Variants in PPP1R13B observed in about 807,000 individuals in gnomAD.
PPP1R13B encodes the protein protein phosphatase 1 regulatory subunit 13B.
Under a neutral mutation model 119.8 loss-of-function variants are expected in PPP1R13B, and 44 were observed. The ratio of observed to expected loss-of-function variants is 0.37; its 90% CI spans 0.29 to 0.47. The LOEUF (loss-of-function observed/expected upper bound fraction) is 0.47. PPP1R13B is among the 20% of genes least tolerant of loss of function. The probability of loss-of-function intolerance (pLI) is 0.99; values close to 1 mark genes in which losing one functional copy is unlikely to be tolerated. For synonymous variants in PPP1R13B, 542 were observed against 561.5 expected, an observed-to-expected ratio of 0.97 and a Z score of 0.49; for missense variants, 1,227 against 1,413.5, an observed-to-expected ratio of 0.87 and a Z score of 2.12.
intron 1 of PPP1R13B, among the ~76,000 whole-genome samples, chr14:103,840,958 C>T (rs2086893138): frequency 6.6e-6 from 1 of 152,072 alleles, no homozygotes; most frequent in South Asian, 2.1e-4. Context: ...CAAAATATCA[C>T]ATATACCTCA....
chr14:103,787,696 AG>A (rs1423126740), intron 2 of PPP1R13B, among the ~76,000 whole-genome samples: 2 of 136,834 alleles, frequency 1.5e-5, no homozygotes, highest in African/African-American at 5.5e-5. Context: ...TGTGTCGCCC[AG>A]GCTGGAGTGC....
intron 16 of PPP1R13B, among the ~76,000 whole-genome samples, chr14:103,735,640 C>G (rs1240701074): frequency 6.6e-6 from 1 of 152,206 alleles, no homozygotes; most frequent in African/African-American, 2.4e-5. Flanking sequence ...TGCACGTTCC[C>G]ACCTCTCCCT....
intron 1 of PPP1R13B, among the ~76,000 whole-genome samples, chr14:103,839,673 C>T (rs1274314335): frequency 1.3e-5 from 2 of 151,742 alleles, no homozygotes; most frequent in Admixed American, 6.6e-5. Flanking sequence ...ATTACAATAG[C>T]CTCTAAGGCC....
chr14:103,846,562 C>T (rs1198050976), intron 1 of PPP1R13B, among the ~76,000 whole-genome samples: 2 of 152,162 alleles, frequency 1.3e-5, no homozygotes, highest in East Asian at 3.9e-4. Flanking sequence ...TGCTTACCTC[C>T]CAAAAAGCCA....
intron 2 of PPP1R13B, among the ~76,000 whole-genome samples, chr14:103,785,992 T>A (rs2085453597): frequency 6.6e-6 from 1 of 152,212 alleles, no homozygotes; most frequent in Admixed American, 6.5e-5. Context: ...TATAACTAAA[T>A]GTATTTCAAA....
At position 103,778,779 on chromosome 14, in the gene PPP1R13B, A is replaced by G. The variant is rs2085270492; in HGVS notation, c.320T>C (p.Ile107Thr). 1 of 1,613,938 alleles carries G rather than the reference A, an allele frequency of 6.2e-7. No homozygotes were observed. The highest frequency in any genetic ancestry group is 1.3e-5 in the African/African-American group (1 of 74,914). ...AGTACGTTTTTCTCCAGGTACATTTATTACATTTCTCTGAGTTCGTTGCTC... is the reference window on the plus strand; with the variant it reads ...AGTACGTTTTTCTCCAGGTACATTTGTTACATTTCTCTGAGTTCGTTGCTC... ...TQEQRTQRNV[I>T]NVPGEKRTEN... The change falls in exon 4 of 17, where the codon ATA becomes ACA. Residue 107 changes from isoleucine to threonine, a missense_variant. By Grantham distance (89) the Ile-to-Thr change is moderately conservative. Coordinates refer to ENST00000202556, the MANE Select transcript of PPP1R13B (RefSeq NM_015316.3).
chr14:103,739,179 C>T (rs1292446825), intron 12 of PPP1R13B, 156 bp from the exon 13 acceptor site: 2 of 1,022,210 alleles, frequency 2.0e-6, no homozygotes, highest in Non-Finnish European at 2.8e-6. Flanking sequence ...CAGGTGACCA[C>T]CTCAAATAAG....
Position 103,792,629 on chromosome 14 carries a change from T to C in PPP1R13B, c.157+4742A>G, listed in dbSNP as rs545710646. ...AAAATAAATAAATAAAAGGATTGTC[T>C]GGGCACTGTGCAGTTTGCCTGTGCT... On this transcript the variant is annotated intron_variant, in intron 2 of 16. Transcript: ENST00000202556. 7.2e-5 allele frequency among the ~76,000 whole-genome samples: 11 copies of C among 152,274 alleles called. No homozygotes were observed. The South Asian group carries it at 2.3e-3, about 32-fold the overall frequency.
intron 1 of PPP1R13B, among the ~76,000 whole-genome samples, chr14:103,831,295 T>G (rs1013298109): frequency 6.6e-6 from 1 of 150,414 alleles, no homozygotes; most frequent in African/African-American, 2.4e-5. Flanking sequence ...AAAATTAATT[T>G]CAACTTCATT....
At chr14:103,846,604 C>T (rs894012546) in intron 1 of PPP1R13B, among the ~76,000 whole-genome samples, 2 of 152,190 alleles carry the variant, frequency 1.3e-5, no homozygotes, top group African/African-American at 4.8e-5. Context: ...GCATCCCCTC[C>T]TATTCAGATT....
Position 103,742,226 on chromosome 14 carries a change from A to G in PPP1R13B, c.1386T>C (p.Tyr462=). Residue 462 remains tyrosine (Y), a synonymous_variant, in exon 11 of 17, where the codon TAT becomes TAC. Coordinates refer to ENST00000202556, the MANE Select transcript of PPP1R13B (RefSeq NM_015316.3). The surrounding 1 kb of genome is among the most constrained non-coding windows in gnomAD (Gnocchi z 4.9). ...GAGGTGTAGGACTTGGGTATGTCCC[A>G]TAGCTTGGAGGCAGCTGCTTGCCTA... ...PGVGKQLPPS[Y]GTYPSPTPLG... 3 of 1,596,184 alleles carry G rather than the reference A, an allele frequency of 1.9e-6. No individual in the cohort carries two copies. The highest frequency in any genetic ancestry group is 2.7e-5 in the African/African-American group (2 of 74,926).
intron 3 of PPP1R13B, among the ~76,000 whole-genome samples, chr14:103,781,800 T>C (rs372773231): frequency 2.0e-5 from 3 of 152,150 alleles, no homozygotes; most frequent in East Asian, 1.9e-4. Flanking sequence ...TACAGGCGCC[T>C]GCCACCACAC....
chr14:103,754,859 A>C (rs2084637737), intron 5 of PPP1R13B, among the ~76,000 whole-genome samples: 1 of 151,500 alleles, frequency 6.6e-6, no homozygotes. Context: ...GGCTCACTGC[A>C]AGCTCTGCCT....
At chr14:103,770,556 C>G (rs2085044426) in intron 4 of PPP1R13B, among the ~76,000 whole-genome samples, 1 of 151,974 alleles carries the variant, frequency 6.6e-6, no homozygotes, top group African/African-American at 2.4e-5. Context: ...ATTCAATACA[C>G]ATTTATACCC....
At chr14:103,762,532 G>A (rs926220017) in intron 4 of PPP1R13B, among the ~76,000 whole-genome samples, 1 of 151,380 alleles carries the variant, frequency 6.6e-6, no homozygotes, top group Non-Finnish European at 1.5e-5. Context: ...ACACCAACAT[G>A]GCACATGTAT....
chr14:103,743,612 G>A (rs1224557329), intron 9 of PPP1R13B, among the ~76,000 whole-genome samples: 2 of 152,212 alleles, frequency 1.3e-5, no homozygotes, highest in African/African-American at 2.4e-5. Context: ...CGCTTCCAGC[G>A]CCATCAGCAA....
At chr14:103,828,204 T>A (rs1259214129) in intron 1 of PPP1R13B, among the ~76,000 whole-genome samples, 1 of 151,734 alleles carries the variant, frequency 6.6e-6, no homozygotes, top group African/African-American at 2.4e-5. Context: ...CCAACTCTAC[T>A]AAAAATACAA....
chr14:103,777,820 G>C (rs2085243229), intron 4 of PPP1R13B, among the ~76,000 whole-genome samples: 1 of 148,552 alleles, frequency 6.7e-6, no homozygotes, highest in South Asian at 2.1e-4. Context: ...AAAAAAACAG[G>C]GTCTTACTCT....
intron 1 of PPP1R13B, among the ~76,000 whole-genome samples, chr14:103,797,870 T>C (rs1267142716): frequency 6.6e-6 from 1 of 151,882 alleles, no homozygotes. Context: ...GGGAGGTATC[T>C]CAAAAATCAA....
Sources: gnomAD v4.1 joint callset for allele counts (sites outside exome capture counted in the v4.1 genomes callset) on GRCh38, gnomAD v4.1.1 for gene constraint, Gnocchi (gnomAD v3.1) non-coding constraint, MANE v1.5 for transcripts, NCBI Gene and HGNC (gene_info 2026-07-23, HGNC 2026-07-21) for gene names.